Variants in KCND3 observed in about 807,000 individuals in gnomAD.
KCND3 encodes the protein potassium voltage-gated channel subfamily D member 3, also known as A-type voltage-gated potassium channel KCND3.
In KCND3, 9 loss-of-function variants were observed where a neutral mutation model predicts 51.1. The observed-to-expected ratio is 0.18, with a 90% CI of 0.11 to 0.31. KCND3 has a LOEUF of 0.31. Ranked by LOEUF, KCND3 falls within the 10% of genes least tolerant of loss-of-function variation. KCND3 has a pLI of 1.00. For synonymous variants in KCND3, 349 were observed against 368.0 expected, an observed-to-expected ratio of 0.95 and a Z score of 0.59; for missense variants, 526 against 903.8, an observed-to-expected ratio of 0.58 and a Z score of 5.36.
intron 2 of KCND3, among the ~76,000 whole-genome samples, chr1:111,862,943 C>A (rs139168283): frequency 6.6e-6 from 1 of 152,208 alleles, no homozygotes; most frequent in Non-Finnish European, 1.5e-5. Context: ...ATGGGCAATA[C>A]GTGACCGTTC....
chr1:111,822,571 C>T (rs1159905484), intron 2 of KCND3, among the ~76,000 whole-genome samples: 1 of 152,228 alleles, frequency 6.6e-6, no homozygotes, highest in Non-Finnish European at 1.5e-5. Context: ...TAATATTCCA[C>T]TGTAAGGATA....
At chr1:111,989,302 C>G (rs1200149736) in intron 1 of KCND3, 1 of 152,386 alleles carries the variant, frequency 6.6e-6, no homozygotes, top group Non-Finnish European at 1.5e-5. Flanking sequence ...GGTGGCTCCA[C>G]AGCCCGAGGG....
chr1:111,884,234 A>G (rs1462340692), intron 2 of KCND3, among the ~76,000 whole-genome samples: 1 of 152,050 alleles, frequency 6.6e-6, no homozygotes, highest in African/African-American at 2.4e-5. Context: ...TTAAAGTTTC[A>G]ACTCAATTCT....
intron 2 of KCND3, among the ~76,000 whole-genome samples, chr1:111,834,949 CCATTG>C (rs1424280522): frequency 2.6e-5 from 4 of 152,174 alleles, no homozygotes; most frequent in Non-Finnish European, 5.9e-5. Context: ...AGAAGCCAAC[CCATTG>C]CATCCAATGG....
At chr1:111,902,770 C>G (rs1670452379) in intron 2 of KCND3, among the ~76,000 whole-genome samples, 1 of 152,178 alleles carries the variant, frequency 6.6e-6, no homozygotes, top group South Asian at 2.1e-4. Context: ...TGTTGTGAGG[C>G]ATAAATGTGA....
chr1:111,816,213 G>A (rs1430999948), intron 2 of KCND3, among the ~76,000 whole-genome samples: 1 of 152,254 alleles, frequency 6.6e-6, no homozygotes, highest in Non-Finnish European at 1.5e-5. Flanking sequence ...CTCTTGGGAA[G>A]GGGTGGGGTC....
chr1:111,935,791 A>G (rs1672192146), intron 2 of KCND3, among the ~76,000 whole-genome samples: 1 of 152,196 alleles, frequency 6.6e-6, no homozygotes, highest in African/African-American at 2.4e-5. Context: ...AGGGTCCTAT[A>G]GCCCTGACTG....
At chr1:111,784,119 A>T (rs997232273) in intron 3 of KCND3, among the ~76,000 whole-genome samples, 1 of 151,396 alleles carries the variant, frequency 6.6e-6, no homozygotes, top group African/African-American at 2.4e-5. Context: ...ACACACACAC[A>T]CACACACACA....
At chr1:111,951,677 C>T (rs1673070280) in intron 2 of KCND3, among the ~76,000 whole-genome samples, 1 of 152,132 alleles carries the variant, frequency 6.6e-6, no homozygotes, top group African/African-American at 2.4e-5. Flanking sequence ...TCACATTCTA[C>T]AGTAAGGAGG....
intron 2 of KCND3, among the ~76,000 whole-genome samples, chr1:111,908,183 T>C (rs1670742693): frequency 6.6e-6 from 1 of 152,226 alleles, no homozygotes; most frequent in South Asian, 2.1e-4. Flanking sequence ...GACATTTATT[T>C]AGCACCTATC....
intron 2 of KCND3, among the ~76,000 whole-genome samples, chr1:111,850,918 A>G (rs1197504654): frequency 2.0e-5 from 3 of 152,196 alleles, no homozygotes; most frequent in Non-Finnish European, 4.4e-5. Flanking sequence ...ACTCTCTGTA[A>G]CAGGACCCTG....
intron 6 of KCND3, 78 bp from the exon 7 acceptor site, chr1:111,777,351 G>C: frequency 6.7e-7 from 1 of 1,485,016 alleles, no homozygotes; most frequent in Non-Finnish European, 9.4e-7. Flanking sequence ...CTGTATGGCT[G>C]CCTGTCTCTG....
At chr1:111,850,693 T>C (rs1667774280) in intron 2 of KCND3, among the ~76,000 whole-genome samples, 1 of 152,200 alleles carries the variant, frequency 6.6e-6, no homozygotes, top group South Asian at 2.1e-4. Context: ...ACCAGGACTT[T>C]CTCGTGTTTG....
chr1:111,930,227 C>T (rs1671901588), intron 2 of KCND3, among the ~76,000 whole-genome samples: 2 of 151,404 alleles, frequency 1.3e-5, no homozygotes, highest in Admixed American at 1.3e-4. Context: ...ACTGAGGTGA[C>T]AAGGAACAGG....
intron 2 of KCND3, among the ~76,000 whole-genome samples, chr1:111,951,465 T>C (rs1022292134): frequency 1.3e-5 from 2 of 152,118 alleles, no homozygotes; most frequent in African/African-American, 2.4e-5. Flanking sequence ...AGAGTAGATA[T>C]ATGTATGAGA....
intron 2 of KCND3, among the ~76,000 whole-genome samples, chr1:111,802,161 CTG>C (rs1665340521): frequency 6.6e-6 from 1 of 152,256 alleles, no homozygotes; most frequent in African/African-American, 2.4e-5. Flanking sequence ...CTTAGTTCTT[CTG>C]CATGAAACAA....
intron 2 of KCND3, among the ~76,000 whole-genome samples, chr1:111,818,372 A>T (rs1323541733): frequency 2.6e-4 from 9 of 34,054 alleles, no homozygotes; most frequent in Non-Finnish European, 1.1e-3. Flanking sequence ...GACTAACATC[A>T]CACGTCAGAG....
At chr1:111,925,963 C>A (rs1671678258) in intron 2 of KCND3, among the ~76,000 whole-genome samples, 1 of 152,160 alleles carries the variant, frequency 6.6e-6, no homozygotes, top group African/African-American at 2.4e-5. Context: ...CTTATTTGCC[C>A]AATTATTATA....
intron 2 of KCND3, among the ~76,000 whole-genome samples, chr1:111,819,618 C>A (rs77236252): frequency 0.01 from 1,582 of 152,196 alleles, 22 homozygotes; most frequent in African/African-American, 0.035. Flanking sequence ...TCCAGAGGGG[C>A]GGAAGAGGAG....
Sources: allele counts gnomAD v4.1 joint callset (sites outside exome capture counted in the v4.1 genomes callset), GRCh38; gene constraint gnomAD v4.1.1; transcripts MANE v1.5; gene names NCBI Gene and HGNC (gene_info 2026-07-23, HGNC 2026-07-21).